The following HOXA3 variants were observed in gnomAD, a reference collection of about 807,000 sequenced individuals.
HOXA3 encodes homeobox protein Hox-A3.
A neutral mutation model predicts 30.3 loss-of-function variants in HOXA3; 8 were observed. That is an observed-to-expected ratio of 0.26 (90% CI 0.15 to 0.48). The LOEUF is 0.48. HOXA3 is among the 20% of genes least tolerant of loss of function. The pLI is 0.99. For synonymous variants in HOXA3, 323 were observed against 273.1 expected (o/e 1.18, Z -1.80); for missense variants, 653 against 614.4 (o/e 1.06, Z -0.66).
chr7:27,143,216 T>C, intron 1 of HOXA3: 2 of 1,610,338 alleles, frequency 1.2e-6, no homozygotes, highest in Non-Finnish European at 1.7e-6. Context: ...GCTGCCGGCG[T>C]CGGCCGAGGC....
At chr7:27,142,930 C>A in intron 1 of HOXA3, 3 of 1,003,640 alleles carry the variant, frequency 3.0e-6, no homozygotes, top group Non-Finnish European at 4.4e-6. Flanking sequence ...AGGAGAGCTC[C>A]GCAGGGCTGG....
intron 4 of HOXA3, among the ~76,000 whole-genome samples, chr7:27,120,370 G>A (rs533617588): frequency 1.2e-3 from 184 of 151,810 alleles, no homozygotes; most frequent in African/African-American, 3.8e-3. Context: ...GTGCAACCCC[G>A]TCTGTACTAA....
chr7:27,109,918 G>A lies in HOXA3; in HGVS notation c.526+197C>T, dbSNP rs1784264614. The stretch of plus-strand genomic sequence containing the variant: ...CCAGAGGGACTCCCAGCAGGTCTCT[G>A]GTGTTTTCCAGCCTACAGAGGCCTA... On this transcript the variant is annotated intron_variant, in intron 5 of 5. Transcript: ENST00000612286. 44 of 634,530 alleles carry A rather than the reference G, an allele frequency of 6.9e-5. 1 individual carries two copies. The South Asian group carries it at 8.6e-4, about 12-fold the overall frequency. 39.3% of individuals were successfully genotyped at this position (634,530 alleles called of 1,614,324 possible).
intron 2 of HOXA3, among the ~76,000 whole-genome samples, chr7:27,131,388 G>T (rs1203026217): frequency 1.3e-5 from 2 of 152,216 alleles, no homozygotes; most frequent in Non-Finnish European, 2.9e-5. Context: ...GTCAGCCTGA[G>T]AGCCCTTGCT....
chr7:27,110,738 G>A lies in HOXA3; in HGVS notation c.-98C>T. ...CCCCGCGGTCACGTGACACTCCGCC[G>A]CCAATGGCCGCCCCGCGCAGACCTG... On this transcript the variant is annotated 5_prime_UTR_variant, in exon 5 of 6. Coordinates refer to ENST00000612286, the MANE Select transcript of HOXA3 (RefSeq NM_153631.3). 4 of 1,554,074 alleles carry A rather than the reference G, an allele frequency of 2.6e-6. No individual in the cohort carries two copies. The highest frequency in any genetic ancestry group is 3.5e-6 in the Non-Finnish European group (4 of 1,142,218).
intron 4 of HOXA3, among the ~76,000 whole-genome samples, chr7:27,118,404 A>T (rs151082226): frequency 4.5e-4 from 68 of 152,336 alleles, no homozygotes; most frequent in Admixed American, 1.4e-3. Context: ...TTATGTGCTC[A>T]CGTGGTCATA....
At chr7:27,135,151 T>C (rs930214116) in intron 2 of HOXA3, among the ~76,000 whole-genome samples, 3 of 152,068 alleles carry the variant, frequency 2.0e-5, no homozygotes, top group Non-Finnish European at 4.4e-5. Context: ...CTCCCACCCT[T>C]CTTCTTAGGT....
At position 27,110,389 on chromosome 7, in the gene HOXA3, G is replaced by C. The variant is rs762990429; in HGVS notation, c.252C>G (p.Ser84Arg). Residue 84 changes from serine (S) to arginine (R), a missense_variant, in exon 5 of 6, where the codon AGC becomes AGG. Coordinates refer to ENST00000612286, the MANE Select transcript of HOXA3 (RefSeq NM_153631.3). The part of the protein sequence containing the change: ...TLSAPPSQPP[S>R]LGEPPLHPPP... ...GCGGGTGCAGGGGCGGCTCTCCCAGGCTTGGAGGCTGGCTAGGTGGGGCGC... is the reference window on the plus strand; with the variant it reads ...GCGGGTGCAGGGGCGGCTCTCCCAGCCTTGGAGGCTGGCTAGGTGGGGCGC... 2.0e-6 allele frequency: 3 copies of C among 1,526,800 alleles called. No homozygotes were observed. Among genetic ancestry groups the C allele is most frequent in the Non-Finnish European group, 1.8e-6 (2 of 1,140,658 alleles). The allele number at this position is 1,526,800 out of a possible 1,614,324, so 94.6% of individuals were successfully genotyped here.
intron 2 of HOXA3, among the ~76,000 whole-genome samples, chr7:27,131,876 A>G (rs1785572000): frequency 6.6e-6 from 1 of 152,216 alleles, no homozygotes; most frequent in Admixed American, 6.5e-5. Context: ...TATTTGCAGG[A>G]CAGTCTATAA....
In HOXA3 at chr7:27,108,605, G is replaced by C; in HGVS notation, c.642C>G (p.Arg214=). The stretch of plus-strand genomic sequence containing the variant: ...CCACCCGGCGCGGCCGGCACAGGTA[G>C]CGGTTGAAGTGGAACTCTTTCTCCA... ...VELEKEFHFN[R]YLCRPRRVEM... Residue 214 remains arginine, a synonymous_variant, in exon 6 of 6, where the codon CGC becomes CGG. Transcript: ENST00000612286. This position sits in a 1 kb window ranked among gnomAD's most constrained non-coding sequence, Gnocchi z 5.0. 1 of 1,614,186 alleles carries C rather than the reference G, an allele frequency of 6.2e-7. No homozygotes were observed. Among genetic ancestry groups the C allele is most frequent in the Non-Finnish European group, 8.5e-7 (1 of 1,180,002 alleles).
chr7:27,109,985 G>C (rs1459824070), intron 5 of HOXA3, 130 bp downstream of exon 5: 4 of 1,138,124 alleles, frequency 3.5e-6, no homozygotes, highest in Non-Finnish European at 5.1e-6. Context: ...CCTTTTTGGT[G>C]GGCAGTGGTG....
intron 4 of HOXA3, among the ~76,000 whole-genome samples, chr7:27,114,828 A>ATATATAT (rs1784595843): frequency 3.2e-5 from 2 of 62,356 alleles, no homozygotes; most frequent in Non-Finnish European, 6.4e-5. Flanking sequence ...TATATATATA[A>ATATATAT]TATATATTAT....
At chr7:27,130,598 G>C in intron 2 of HOXA3, 1 of 1,531,802 alleles carries the variant, frequency 6.5e-7, no homozygotes, top group Non-Finnish European at 8.8e-7. Context: ...GGGGGCGCTG[G>C]GGGCTGCTGG....
Position 27,110,213 on chromosome 7 carries a change from C to T in HOXA3, c.428G>A (p.Ser143Asn). The change falls in exon 5 of 6, where the codon AGC becomes AAC. Residue 143 changes from serine to asparagine, a missense_variant. Ser to Asn is a conservative substitution (Grantham distance 46, BLOSUM62 1). Around this residue, in one of 3 missense-constraint regions of HOXA3, gnomAD observed 320 missense variants for 321.9 expected, o/e 0.99. Transcript: ENST00000612286. ...CACTGTGGGTGAGTTGAGCAGGGGG[C>T]TCTTGGCCGCGTTGGCAGGGGTAGG... ...NNPTPANAAK[S>N]PLLNSPTVAK... The T allele has an allele frequency of 6.2e-7, 1 of 1,613,784 alleles. No individual in the cohort carries two copies. Among genetic ancestry groups the T allele is most frequent in the South Asian group, 1.1e-5 (1 of 91,064 alleles).
At chr7:27,112,881 T>G (rs1467072835) in intron 4 of HOXA3, among the ~76,000 whole-genome samples, 3 of 152,248 alleles carry the variant, frequency 2.0e-5, no homozygotes, top group Non-Finnish European at 2.9e-5. Context: ...TTTATCAAGT[T>G]GTGCATTGTC....
At chr7:27,150,518 A>T in intron 1 of HOXA3, 1 of 152,800 alleles carries the variant, frequency 6.5e-6, no homozygotes, top group Non-Finnish European at 1.5e-5. Context: ...TCTGCCCTTC[A>T]CAGCCCTCTC....
At chr7:27,118,239 C>G (rs940642346) in intron 4 of HOXA3, among the ~76,000 whole-genome samples, 1 of 152,188 alleles carries the variant, frequency 6.6e-6, no homozygotes, top group African/African-American at 2.4e-5. Flanking sequence ...CTGCAATCGG[C>G]TCAGAGAGCG....
intron 1 of HOXA3, chr7:27,140,476 A>T (rs1433256347): frequency 6.6e-6 from 1 of 152,234 alleles, no homozygotes; most frequent in African/African-American, 2.4e-5. Context: ...GCAGTCGGTA[A>T]ATGTGCAAAT....
chr7:27,129,902 TCTC>T (rs1329366114), intron 2 of HOXA3: 4 of 619,752 alleles, frequency 6.5e-6, no homozygotes, highest in Non-Finnish European at 8.4e-6. Context: ...GTCTCGTAAA[TCTC>T]CTGATAAAGG....
Sources: allele counts gnomAD v4.1 joint callset (sites outside exome capture counted in the v4.1 genomes callset), GRCh38; gene constraint gnomAD v4.1.1; regional missense constraint gnomAD v4.1.1; non-coding constraint Gnocchi (gnomAD v3.1); transcripts MANE v1.5; gene names NCBI Gene and HGNC (gene_info 2026-07-23, HGNC 2026-07-21).